Variants in CDC42BPA observed in about 807,000 individuals in gnomAD.
CDC42BPA encodes the protein serine/threonine-protein kinase MRCK alpha.
CDC42BPA carries 80 observed loss-of-function variants against 223.5 expected under a neutral mutation model. The observed-to-expected ratio is 0.36, with a 90% CI of 0.30 to 0.43. CDC42BPA has a LOEUF of 0.43. Among genes scored for constraint, CDC42BPA ranks in the 20% least tolerant of loss-of-function variants. The pLI, the probability that CDC42BPA is intolerant of heterozygous loss-of-function variation, is 1.00. For missense variants in CDC42BPA, 1,743 were observed against 2,099.9 expected (o/e 0.83, Z 3.32); for synonymous variants, 694 against 718.6 (o/e 0.97, Z 0.55).
At chr1:227,132,330 G>A (rs537942284) in intron 10 of CDC42BPA, among the ~76,000 whole-genome samples, 1 of 152,212 alleles carries the variant, frequency 6.6e-6, no homozygotes, top group Admixed American at 6.5e-5. Flanking sequence ...ACGGGGTTTC[G>A]CTGTGTTGGC....
chr1:227,162,933 T>C lies in CDC42BPA; in HGVS notation c.600-2297A>G, dbSNP rs867187804. 5.5e-5 allele frequency among the ~76,000 whole-genome samples: 8 copies of C among 145,876 alleles called. No homozygotes were observed. The South Asian group carries it at 1.5e-3, about 27-fold the overall frequency. On this transcript the variant is annotated intron_variant, in intron 5 of 36. Coordinates refer to ENST00000366766, the MANE Select transcript of CDC42BPA (RefSeq NM_001394014.1). Reference sequence around the variant, plus strand: ...GTATATGTGTGTGTTTCCAAACATATGTGTGTGTTTCCAAACATATATGTT... The same window carrying C: ...GTATATGTGTGTGTTTCCAAACATACGTGTGTGTTTCCAAACATATATGTT...
At chr1:227,188,492 G>C (rs145623756) in intron 5 of CDC42BPA, among the ~76,000 whole-genome samples, 10 of 151,926 alleles carry the variant, frequency 6.6e-5, no homozygotes, top group African/African-American at 2.4e-4. Flanking sequence ...ATGTCCTTAA[G>C]TAGGTAAATG....
intron 11 of CDC42BPA, among the ~76,000 whole-genome samples, chr1:227,121,206 C>T (rs982613422): frequency 3.3e-5 from 5 of 152,116 alleles, no homozygotes; most frequent in African/African-American, 1.2e-4. Flanking sequence ...TCTCAAGCCC[C>T]AGTCAAGACC....
chr1:227,221,680 T>C (rs933701681), intron 2 of CDC42BPA, among the ~76,000 whole-genome samples: 1 of 151,830 alleles, frequency 6.6e-6, no homozygotes, highest in Non-Finnish European at 1.5e-5. Flanking sequence ...ATAAAAAGTT[T>C]GTTGGGCTCA....
intron 10 of CDC42BPA, 45 bp from the exon 11 acceptor site, chr1:227,129,276 AAATTCTTAAAACT>A: frequency 7.4e-7 from 1 of 1,347,782 alleles, no homozygotes; most frequent in Non-Finnish European, 1.0e-6. Context: ...ACCATACTCT[AAATTCTTAAAACT>A]AATAACATTA....
At chr1:227,222,519 C>CA (rs146295817) in intron 2 of CDC42BPA, among the ~76,000 whole-genome samples, 14,761 of 151,016 alleles carry the variant, frequency 0.098, 859 homozygotes, top group Middle Eastern at 0.17. Context: ...ACAACAACAA[C>CA]AAAAAAACTA....
At chr1:227,118,652 T>C (rs939101556) in intron 12 of CDC42BPA, among the ~76,000 whole-genome samples, 3 of 152,144 alleles carry the variant, frequency 2.0e-5, no homozygotes, top group Non-Finnish European at 4.4e-5. Flanking sequence ...GATCCTTCTC[T>C]TTAGATTTCC....
intron 5 of CDC42BPA, among the ~76,000 whole-genome samples, chr1:227,164,626 A>C (rs932411725): frequency 1.3e-5 from 2 of 152,176 alleles, no homozygotes; most frequent in Non-Finnish European, 2.9e-5. Context: ...TGATCATGCC[A>C]CTGCACTTCA....
chr1:227,165,523 A>G (rs1664886759), intron 5 of CDC42BPA, among the ~76,000 whole-genome samples: 1 of 152,208 alleles, frequency 6.6e-6, no homozygotes, highest in African/African-American at 2.4e-5. Context: ...GTTAGATAAG[A>G]AAGGAAAAAA....
intron 2 of CDC42BPA, among the ~76,000 whole-genome samples, chr1:227,252,865 T>G (rs1682269216): frequency 6.6e-6 from 1 of 152,130 alleles, no homozygotes; most frequent in Admixed American, 6.6e-5. Flanking sequence ...TAACAAGGTA[T>G]AAGATCAATA....
Position 227,074,031 on chromosome 1 carries a change from GT to G in CDC42BPA, c.2587-20del. ...GCATATCCTATGAAATAATGACTGT[GT>G]TTTTAGTTCCATCCTATTTTTAACA... On this transcript the variant is annotated intron_variant, in intron 18 of 36. Coordinates refer to ENST00000366766, the MANE Select transcript of CDC42BPA (RefSeq NM_001394014.1). 6.2e-7 allele frequency: 1 copy of G among 1,604,106 alleles called. No homozygotes were observed. Among genetic ancestry groups the G allele is most frequent in the Non-Finnish European group, 8.5e-7 (1 of 1,177,120 alleles).
At chr1:227,220,407 T>C (rs1229356098) in intron 2 of CDC42BPA, among the ~76,000 whole-genome samples, 1 of 149,296 alleles carries the variant, frequency 6.7e-6, no homozygotes, top group South Asian at 2.1e-4. Flanking sequence ...TATAAGAATA[T>C]ATATATACTT....
intron 20 of CDC42BPA, among the ~76,000 whole-genome samples, chr1:227,071,102 T>C (rs1218273354): frequency 6.6e-6 from 1 of 151,978 alleles, no homozygotes; most frequent in Non-Finnish European, 1.5e-5. Context: ...TTTTCTGGGC[T>C]CCTTCCTTTT....
Position 227,317,264 on chromosome 1 carries a change from TG to T in CDC42BPA, c.-83del. The T allele has an allele frequency of 1.4e-6, 2 of 1,451,190 alleles. No individual in the cohort carries two copies. Among genetic ancestry groups the T allele is most frequent in the Admixed American group, 4.5e-5 (2 of 44,130 alleles). 89.9% of individuals were successfully genotyped at this position (1,451,190 alleles called of 1,614,324 possible). A position where few individuals can be genotyped will look rare whatever the true frequency, so the allele number is the denominator to read the frequency against. ...ATCTGAACCTAAATTTTAAAAGGTA[TG>T]GTTTTAAAAATAAACCACTTGTTAT... On this transcript the variant is annotated 5_prime_UTR_variant, in exon 1 of 37. It removes the in-frame stop codon of an upstream open reading frame in the 5' UTR. Transcript: ENST00000366766.
chr1:227,015,651 C>T (rs1666062190), intron 34 of CDC42BPA, among the ~76,000 whole-genome samples: 1 of 151,248 alleles, frequency 6.6e-6, no homozygotes, highest in Non-Finnish European at 1.5e-5. Context: ...GAGATGTGAC[C>T]ATTAATAACC....
At chr1:227,200,082 A>T (rs1358051098) in intron 3 of CDC42BPA, among the ~76,000 whole-genome samples, 1 of 152,028 alleles carries the variant, frequency 6.6e-6, no homozygotes. Context: ...GGATAGTCCA[A>T]TTATATGACT....
chr1:227,091,036 A>C (rs530350101), intron 16 of CDC42BPA, among the ~76,000 whole-genome samples: 47 of 152,210 alleles, frequency 3.1e-4, no homozygotes, highest in African/African-American at 1.1e-3. Flanking sequence ...GTTTCTTTAG[A>C]TATCACCTAC....
At position 227,028,758 on chromosome 1, in the gene CDC42BPA, T is replaced by C; in HGVS notation, c.4331A>G (p.Glu1444Gly). 1.2e-6 allele frequency: 2 copies of C among 1,614,106 alleles called. No individual in the cohort carries two copies. Among genetic ancestry groups the C allele is most frequent in the Non-Finnish European group, 8.5e-7 (1 of 1,179,944 alleles). The change falls in exon 30 of 37, where the codon GAA (glutamate) becomes GGA (glycine). Residue 1444 changes from glutamate (E) to glycine (G), a missense_variant. By Grantham distance (98) the Glu-to-Gly change is moderately conservative. Around this residue, in one of 6 missense-constraint regions of CDC42BPA, gnomAD observed 678 missense variants for 777.5 expected, o/e 0.87. Coordinates refer to ENST00000366766, the MANE Select transcript of CDC42BPA (RefSeq NM_001394014.1). Reference sequence around the variant, plus strand: ...AATGCTGTTAAAACACAGCAGATATTCTTTACTGGAGATCTCAACTGCGCA... The same window carrying C: ...AATGCTGTTAAAACACAGCAGATATCCTTTACTGGAGATCTCAACTGCGCA... ...AICAVEISSK[E>G]YLLCFNSIGI...
chr1:227,289,031 T>G (rs971271864), intron 1 of CDC42BPA, among the ~76,000 whole-genome samples: 6 of 151,924 alleles, frequency 3.9e-5, no homozygotes, highest in African/African-American at 1.4e-4. Context: ...AATAAAAAAA[T>G]TAAATAAAAT....
Sources: gnomAD v4.1 joint callset for allele counts (sites outside exome capture counted in the v4.1 genomes callset) on GRCh38, gnomAD v4.1.1 for gene constraint, gnomAD v4.1.1 regional missense constraint, MANE v1.5 for transcripts, NCBI Gene and HGNC (gene_info 2026-07-23, HGNC 2026-07-21) for gene names.